AFG2A: variants seen among roughly 807,000 people sequenced by gnomAD.
The protein encoded by AFG2A is AAA ATPase AFG2A.
At chr4:123,158,671 AAAAT>A in the AFG2A span, among the ~76,000 whole-genome samples, 3 of 152,168 alleles carry the variant, frequency 2.0e-5, no homozygotes, top group Non-Finnish European at 2.9e-5. Flanking sequence ...CTATGGAAAA[AAAAT>A]ACAGAAAGAA....
At chr4:123,149,798 CTTTTTT>C in the AFG2A span, among the ~76,000 whole-genome samples, 1,720 of 120,936 alleles carry the variant, frequency 0.014, 5 homozygotes, top group Non-Finnish European at 0.022. Flanking sequence ...TAGGAAATAG[CTTTTTT>C]TTTTTTTTTT....
At chr4:123,262,161 A>C in the AFG2A span, among the ~76,000 whole-genome samples, 1 of 152,068 alleles carries the variant, frequency 6.6e-6, no homozygotes, top group Non-Finnish European at 1.5e-5. Flanking sequence ...TACTTCTTAA[A>C]GTCTGGCAAA....
chr4:122,944,455 C>T, the AFG2A span, among the ~76,000 whole-genome samples: 43 of 152,330 alleles, frequency 2.8e-4, no homozygotes, highest in African/African-American at 9.9e-4. Flanking sequence ...GCATTCTTCA[C>T]GTAGTTCTCG....
At chr4:123,023,357 C>A in the AFG2A span, among the ~76,000 whole-genome samples, 5 of 151,708 alleles carry the variant, frequency 3.3e-5, no homozygotes, top group Non-Finnish European at 7.4e-5. Context: ...CTCCTTGAAT[C>A]TAAAATAAAA....
chr4:123,299,796 T>C, the AFG2A span, among the ~76,000 whole-genome samples: 1 of 152,248 alleles, frequency 6.6e-6, no homozygotes, highest in African/African-American at 2.4e-5. Flanking sequence ...TTTTAAAAAC[T>C]AGATGAATAA....
the AFG2A span, among the ~76,000 whole-genome samples, chr4:123,275,225 G>T: frequency 6.6e-6 from 1 of 152,112 alleles, no homozygotes; most frequent in Admixed American, 6.6e-5. Context: ...TCTGGTAAAT[G>T]ATTTTGGGGG....
the AFG2A span, among the ~76,000 whole-genome samples, chr4:123,034,041 T>C: frequency 2.6e-5 from 4 of 152,202 alleles, no homozygotes; most frequent in African/African-American, 9.7e-5. Flanking sequence ...ATAAGTCATG[T>C]TGACAGTACA....
At chr4:122,975,709 A>C in the AFG2A span, among the ~76,000 whole-genome samples, 29 of 152,050 alleles carry the variant, frequency 1.9e-4, no homozygotes, top group Admixed American at 3.9e-4. Context: ...AAGCATGTCT[A>C]TCCTTTGCTT....
chr4:123,061,008 T>C, the AFG2A span, among the ~76,000 whole-genome samples: 1 of 152,192 alleles, frequency 6.6e-6, no homozygotes, highest in Non-Finnish European at 1.5e-5. Context: ...AGAGTAACAT[T>C]TACTCCAGTT....
At chr4:123,256,112 A>G in the AFG2A span, 3 of 1,614,156 alleles carry the variant, frequency 1.9e-6, no homozygotes, top group South Asian at 1.1e-5. Flanking sequence ...GTTTCACTCC[A>G]TGCCTGTCAG....
chr4:123,118,062 A>C, the AFG2A span, among the ~76,000 whole-genome samples: 1 of 151,556 alleles, frequency 6.6e-6, no homozygotes, highest in Non-Finnish European at 1.5e-5. Flanking sequence ...AACTTTAATT[A>C]CTGTTTCATT....
At chr4:122,984,556 TC>T in the AFG2A span, among the ~76,000 whole-genome samples, 1 of 152,176 alleles carries the variant, frequency 6.6e-6, no homozygotes, top group Non-Finnish European at 1.5e-5. Context: ...TTTCAACTTT[TC>T]CCCCATTCAG....
At chr4:122,981,050 G>A in the AFG2A span, among the ~76,000 whole-genome samples, 1 of 151,962 alleles carries the variant, frequency 6.6e-6, no homozygotes, top group African/African-American at 2.4e-5. Context: ...TGCTTTTGGA[G>A]TGTATCCAAA....
At chr4:122,970,534 C>T in the AFG2A span, among the ~76,000 whole-genome samples, 469 of 148,856 alleles carry the variant, frequency 3.2e-3, 6 homozygotes, top group African/African-American at 0.011. Flanking sequence ...TGCAGTGGCA[C>T]GATCTTTGTA....
the AFG2A span, among the ~76,000 whole-genome samples, chr4:122,963,761 T>C: frequency 2.4e-3 from 358 of 152,162 alleles, 2 homozygotes; most frequent in African/African-American, 7.9e-3. Flanking sequence ...TGATTGAGAG[T>C]TGAAGAAGCA....
At chr4:123,052,331 G>A in the AFG2A span, among the ~76,000 whole-genome samples, 138,338 of 152,192 alleles carry the variant, frequency 0.91, 63,114 homozygotes, top group East Asian at 0.97. Context: ...AAATTTCCCT[G>A]ATACATTTCT....
At chr4:123,047,622 A>G in the AFG2A span, among the ~76,000 whole-genome samples, 1 of 151,094 alleles carries the variant, frequency 6.6e-6, no homozygotes, top group African/African-American at 2.4e-5. Context: ...TGCCCAGACC[A>G]CTGTTGTATA....
the AFG2A span, among the ~76,000 whole-genome samples, chr4:123,170,994 C>T: frequency 2.0e-5 from 3 of 152,054 alleles, no homozygotes; most frequent in Non-Finnish European, 4.4e-5. Flanking sequence ...ACAGTTAGAA[C>T]GGTACCTCAT....
the AFG2A span, among the ~76,000 whole-genome samples, chr4:123,016,816 C>T: frequency 6.6e-6 from 1 of 152,178 alleles, no homozygotes; most frequent in Non-Finnish European, 1.5e-5. Context: ...CGCCACTGCA[C>T]TCCAGCCTGG....
Sources: gnomAD v4.1 joint callset for allele counts (sites outside exome capture counted in the v4.1 genomes callset) on GRCh38, gnomAD v4.1.1 for gene constraint, MANE v1.5 for transcripts, NCBI Gene and HGNC (gene_info 2026-07-23, HGNC 2026-07-21) for gene names.